The following TMTC2 variants were observed in gnomAD, a reference collection of about 807,000 sequenced individuals.
TMTC2 encodes the protein protein O-mannosyl-transferase TMTC2.
A neutral mutation model predicts 82.4 loss-of-function variants in TMTC2; 43 were observed. The observed-to-expected ratio is 0.52, with a 90% confidence interval of 0.41 to 0.67. The LOEUF is 0.67. Among genes scored for constraint, TMTC2 ranks in the 30% least tolerant of loss-of-function variants. The pLI, the probability that TMTC2 is intolerant of heterozygous loss-of-function variation, is 0.00. For missense variants in TMTC2, 919 were observed against 1,012.4 expected (o/e 0.91, Z 1.25); for synonymous variants, 408 against 381.9 (o/e 1.07, Z -0.80).
At chr12:82,769,864 C>G (rs528574808) in intron 1 of TMTC2, among the ~76,000 whole-genome samples, 1 of 152,268 alleles carries the variant, frequency 6.6e-6, no homozygotes, top group East Asian at 1.9e-4. Context: ...CCTGCCTCGG[C>G]CTCCCAAAGT....
intron 3 of TMTC2, among the ~76,000 whole-genome samples, chr12:82,907,080 G>A (rs1203761780): frequency 2.0e-5 from 3 of 152,138 alleles, no homozygotes; most frequent in Non-Finnish European, 2.9e-5. Flanking sequence ...GTTAAATTAA[G>A]GCCCATTTTA....
chr12:82,988,619 T>G (rs1484455035), intron 8 of TMTC2, among the ~76,000 whole-genome samples: 1 of 151,786 alleles, frequency 6.6e-6, no homozygotes, highest in Non-Finnish European at 1.5e-5. Context: ...GGTCTTCCCA[T>G]GGAGTACTCA....
intron 1 of TMTC2, among the ~76,000 whole-genome samples, chr12:82,729,330 A>G (rs887669476): frequency 6.6e-6 from 1 of 151,736 alleles, no homozygotes; most frequent in African/African-American, 2.4e-5. Flanking sequence ...CACCCATGAC[A>G]CTCTGTATCT....
chr12:82,770,184 C>T (rs1877208734), intron 1 of TMTC2, among the ~76,000 whole-genome samples: 5 of 152,046 alleles, frequency 3.3e-5, no homozygotes, highest in South Asian at 4.1e-4. Flanking sequence ...GCCTAGGAAA[C>T]GATAAGCCTT....
chr12:82,772,026 C>T (rs960999447), intron 1 of TMTC2, among the ~76,000 whole-genome samples: 1 of 152,138 alleles, frequency 6.6e-6, no homozygotes, highest in Non-Finnish European at 1.5e-5. Flanking sequence ...CTGCTGCTGT[C>T]AATTGGATAT....
intron 11 of TMTC2, among the ~76,000 whole-genome samples, chr12:83,074,743 C>T (rs1883228595): frequency 6.6e-6 from 1 of 152,050 alleles, no homozygotes; most frequent in South Asian, 2.1e-4. Context: ...GTGTCTGTTT[C>T]CAGGTGGAGG....
At chr12:82,955,120 A>G (rs1389930666) in intron 4 of TMTC2, among the ~76,000 whole-genome samples, 1 of 152,132 alleles carries the variant, frequency 6.6e-6, no homozygotes, top group Non-Finnish European at 1.5e-5. Flanking sequence ...ATTTTGGGCT[A>G]GGTTATTCTT....
At chr12:82,741,498 A>T (rs1875406389) in intron 1 of TMTC2, among the ~76,000 whole-genome samples, 1 of 152,030 alleles carries the variant, frequency 6.6e-6, no homozygotes, top group African/African-American at 2.4e-5. Context: ...TTTAGTAGAG[A>T]TGGGGTTTTA....
At chr12:82,698,228 T>C (rs1047811588) in intron 1 of TMTC2, among the ~76,000 whole-genome samples, 12 of 152,188 alleles carry the variant, frequency 7.9e-5, no homozygotes, top group African/African-American at 2.7e-4. Context: ...TAAAATACTG[T>C]ATGTACTGTG....
intron 8 of TMTC2, among the ~76,000 whole-genome samples, chr12:82,995,169 C>T (rs1393699546): frequency 6.6e-6 from 1 of 152,060 alleles, no homozygotes; most frequent in African/African-American, 2.4e-5. Context: ...ATTTGAGTAT[C>T]GCTCCTTGTT....
chr12:82,917,377 A>G (rs1487321262), intron 3 of TMTC2, among the ~76,000 whole-genome samples: 1 of 152,042 alleles, frequency 6.6e-6, no homozygotes, highest in Non-Finnish European at 1.5e-5. Context: ...GGGCACATCC[A>G]AAGTCCAAGA....
chr12:83,019,217 AT>A (rs1880809606), intron 8 of TMTC2, among the ~76,000 whole-genome samples: 1 of 151,862 alleles, frequency 6.6e-6, no homozygotes, highest in Non-Finnish European at 1.5e-5. Context: ...GTTTTATGTT[AT>A]TTTTTAAAAA....
intron 1 of TMTC2, among the ~76,000 whole-genome samples, chr12:82,726,651 T>A (rs1027742502): frequency 6.6e-6 from 1 of 151,900 alleles, no homozygotes; most frequent in Admixed American, 6.6e-5. Context: ...GAGGCCAAGG[T>A]GGGCAGATCA....
intron 1 of TMTC2, among the ~76,000 whole-genome samples, chr12:82,716,016 G>A (rs942447943): frequency 2.6e-5 from 4 of 152,088 alleles, no homozygotes; most frequent in Non-Finnish European, 5.9e-5. Flanking sequence ...CCAATGTTAC[G>A]TGAAATTGAA....
At chr12:82,738,586 T>C (rs1875233770) in intron 1 of TMTC2, among the ~76,000 whole-genome samples, 1 of 152,202 alleles carries the variant, frequency 6.6e-6, no homozygotes, top group Non-Finnish European at 1.5e-5. Context: ...TGTATGAGGT[T>C]AAGAACAGGA....
At chr12:83,091,151 C>T (rs1448500858) in intron 11 of TMTC2, among the ~76,000 whole-genome samples, 4 of 152,126 alleles carry the variant, frequency 2.6e-5, no homozygotes, top group Non-Finnish European at 5.9e-5. Context: ...CCCAAATCCC[C>T]TTCTTTAACT....
At chr12:82,841,367 T>C (rs900318479) in intron 1 of TMTC2, among the ~76,000 whole-genome samples, 1 of 152,216 alleles carries the variant, frequency 6.6e-6, no homozygotes, top group South Asian at 2.1e-4. Context: ...AGAGTTAATA[T>C]CTCTCTTTCT....
At chr12:82,846,046 C>T (rs1439340298) in intron 1 of TMTC2, among the ~76,000 whole-genome samples, 1 of 151,586 alleles carries the variant, frequency 6.6e-6, no homozygotes, top group Non-Finnish European at 1.5e-5. Context: ...CAACATTCTA[C>T]TTCCTCATTT....
chr12:83,115,824 G>GTTGT (rs1884737603), intron 11 of TMTC2, among the ~76,000 whole-genome samples: 1 of 152,034 alleles, frequency 6.6e-6, no homozygotes, highest in African/African-American at 2.4e-5. Context: ...AAGTCTCAGT[G>GTTGT]TTGCCCAAGC....
Sources: allele counts gnomAD v4.1 joint callset (sites outside exome capture counted in the v4.1 genomes callset), GRCh38; gene constraint gnomAD v4.1.1; transcripts MANE v1.5; gene names NCBI Gene and HGNC (gene_info 2026-07-23, HGNC 2026-07-21).